The following GLT8D2 variants were observed in gnomAD, a reference collection of about 807,000 sequenced individuals.
The protein encoded by GLT8D2 is glycosyltransferase 8 domain-containing protein 2.
Under a neutral mutation model 44.5 loss-of-function variants are expected in GLT8D2, and 45 were observed. That is an observed-to-expected ratio of 1.01 (90% CI 0.80 to 1.30). The LOEUF is 1.30. Among genes scored for constraint, GLT8D2 ranks in the 50% most tolerant of loss-of-function variants. The probability of loss-of-function intolerance (pLI) is 0.00; values close to 1 mark genes in which losing one functional copy is unlikely to be tolerated. For missense variants in GLT8D2, 400 were observed against 430.4 expected (o/e 0.93, Z 0.62); for synonymous variants, 156 against 157.2 (o/e 0.99, Z 0.06).
chr12:104,025,018 C>T (rs1038440956), intron 1 of GLT8D2, among the ~76,000 whole-genome samples: 26 of 134,858 alleles, frequency 1.9e-4, no homozygotes, highest in African/African-American at 6.6e-4. Context: ...TGCAGTGAGC[C>T]GAGATTGTGC....
chr12:104,015,688 T>C (rs920289707), intron 3 of GLT8D2, among the ~76,000 whole-genome samples: 2 of 151,980 alleles, frequency 1.3e-5, no homozygotes, highest in Admixed American at 1.3e-4. Flanking sequence ...TTTGCTGGAG[T>C]CTTTAGAATT....
rs1216100856 is a variant in GLT8D2, at chr12:103,996,821, T to C, written c.514A>G (p.Thr172Ala). 14 of 1,613,764 alleles carry C rather than the reference T, an allele frequency of 8.7e-6. No individual in the cohort carries two copies. Among genetic ancestry groups the C allele is most frequent in the Non-Finnish European group, 1.2e-5 (14 of 1,179,838 alleles). ...QGDIQELYDT[T>A]LALGHAAAFS... Reference sequence around the variant, plus strand: ...GCCGCCGCGTGGCCCAGGGCCAAGGTGGTGTCATACAGTTCTTGGATATCA... The same window carrying C: ...GCCGCCGCGTGGCCCAGGGCCAAGGCGGTGTCATACAGTTCTTGGATATCA... The change falls in exon 8 of 11, where the codon ACC becomes GCC. Residue 172 changes from threonine (T) to alanine (A), a missense_variant. Thr to Ala is a moderately conservative substitution (Grantham distance 58). Transcript: ENST00000360814.
chr12:103,998,157 G>A (rs11111865), intron 6 of GLT8D2, among the ~76,000 whole-genome samples: 12,395 of 152,064 alleles, frequency 0.082, 1,018 homozygotes, highest in African/African-American at 0.2. Flanking sequence ...TAAATTTTCA[G>A]GGATGAATTT....
intron 1 of GLT8D2, among the ~76,000 whole-genome samples, chr12:104,058,834 C>T (rs1312693902): frequency 6.6e-6 from 1 of 152,166 alleles, no homozygotes; most frequent in Admixed American, 6.5e-5. Context: ...CTTTCTATAA[C>T]ACAACAGATG....
chr12:104,028,353 C>T (rs1878830988), intron 1 of GLT8D2, among the ~76,000 whole-genome samples: 1 of 151,998 alleles, frequency 6.6e-6, no homozygotes, highest in African/African-American at 2.4e-5. Flanking sequence ...TTCATCCTAT[C>T]CTTCCTTTTT....
chr12:104,053,664 C>A (rs1276877658), upstream of GLT8D2, among the ~76,000 whole-genome samples: 1 of 152,148 alleles, frequency 6.6e-6, no homozygotes, highest in Non-Finnish European at 1.5e-5. Context: ...GTGGGTGGAT[C>A]ACGAGGTCAG....
chr12:104,028,135 C>G (rs1002177003), intron 1 of GLT8D2, among the ~76,000 whole-genome samples: 1 of 152,186 alleles, frequency 6.6e-6, no homozygotes, highest in Non-Finnish European at 1.5e-5. Flanking sequence ...CAGATAATCG[C>G]ATGCCAATTG....
At chr12:104,016,863 A>AAAGAAAGAAAGAAAGAAAGAAAGG (rs1566199901) in intron 3 of GLT8D2, among the ~76,000 whole-genome samples, 1 of 150,898 alleles carries the variant, frequency 6.6e-6, no homozygotes, top group African/African-American at 2.5e-5. Context: ...AGAAAGAAAG[A>AAAGAAAGAAAGAAAGAAAGAAAGG]AAGAAAGAAA....
At position 104,032,466 on chromosome 12, in the gene GLT8D2, C is replaced by CAAAAAAAAAAAAAAAAAAAAAAAAA. The variant is rs547392677; in HGVS notation, c.-163-11000_-163-10976dup. ...ATAATAAAGGAGTGATGTGCAATAG[C>CAAAAAAAAAAAAAAAAAAAAAAAAA]AAAAAAAAAAAAAAAAAAAAAAAAA... On this transcript the variant is annotated intron_variant, in intron 1 of 10. Coordinates refer to ENST00000360814, the MANE Select transcript of GLT8D2 (RefSeq NM_001384711.1). 2.8e-4 allele frequency among the ~76,000 whole-genome samples: 17 copies of CAAAAAAAAAAAAAAAAAAAAAAAAA among 59,664 alleles called. 1 individual carries two copies. Among genetic ancestry groups the CAAAAAAAAAAAAAAAAAAAAAAAAA allele is most frequent in the Non-Finnish European group, 4.2e-4 (12 of 28,368 alleles). 39.1% of individuals were successfully genotyped at this position (59,664 alleles called of 152,430 possible). A position where few individuals can be genotyped will look rare whatever the true frequency, so the allele number is the denominator to read the frequency against.
intron 1 of GLT8D2, among the ~76,000 whole-genome samples, chr12:104,035,173 C>G (rs971512641): frequency 6.6e-6 from 1 of 152,168 alleles, no homozygotes; most frequent in Non-Finnish European, 1.5e-5. Context: ...TCACCAACAT[C>G]AAAGACCAAA....
chr12:104,029,855 A>T lies in GLT8D2; in HGVS notation c.-163-8364T>A, dbSNP rs1021337745. 3 of 152,306 alleles carry T rather than the reference A, an allele frequency of 2.0e-5. No homozygotes were observed. The South Asian group carries it at 6.2e-4, about 32-fold the overall frequency. The allele number at this position is 152,306 out of a possible 1,614,324, so 9.4% of individuals were successfully genotyped here. On this transcript the variant is annotated intron_variant, in intron 1 of 10. Coordinates refer to ENST00000360814, the MANE Select transcript of GLT8D2 (RefSeq NM_001384711.1). ...TAACATTCTAGAACTTTATATAGTT[A>T]TGCCCTCAAAAAAGTGATGGGGGTT...
In GLT8D2 at chr12:104,033,163, T is replaced by C. The variant is rs567922271; in HGVS notation, c.-163-11672A>G. 2.0e-5 allele frequency among the ~76,000 whole-genome samples: 3 copies of C among 152,272 alleles called. No individual in the cohort carries two copies. In the East Asian group the frequency reaches 5.8e-4, roughly 29 times the overall value. On this transcript the variant is annotated intron_variant, in intron 1 of 10. Coordinates refer to ENST00000360814, the MANE Select transcript of GLT8D2 (RefSeq NM_001384711.1). ...TCCCAAAGTGCTGGGATTACAGGTG[T>C]GAGCCACCGCACCCAGCCCGCAGCA...
In GLT8D2 at chr12:104,004,962, C is replaced by T. The variant is rs968298321; in HGVS notation, c.113-1656G>A. Among the ~76,000 whole-genome samples the T allele has an allele frequency of 2.0e-5, 3 of 152,084 alleles. No individual in the cohort carries two copies. In the East Asian group the frequency reaches 5.8e-4, roughly 29 times the overall value. ...CAAAAGAACAAAGCTGGAGGCATCA[C>T]GCTACCTGACTTCAAACTATACTAC... On this transcript the variant is annotated intron_variant, in intron 4 of 10. Coordinates refer to ENST00000360814, the MANE Select transcript of GLT8D2 (RefSeq NM_001384711.1).
chr12:104,055,445 C>T (rs1467663979), intron 1 of GLT8D2, among the ~76,000 whole-genome samples: 1 of 152,208 alleles, frequency 6.6e-6, no homozygotes, highest in Non-Finnish European at 1.5e-5. Context: ...CAGAGAATCA[C>T]CACAGCAGCC....
chr12:104,043,463 T>C (rs1423130322), intron 1 of GLT8D2, among the ~76,000 whole-genome samples: 4 of 152,010 alleles, frequency 2.6e-5, no homozygotes, highest in African/African-American at 4.8e-5. Context: ...GGTGACTCCA[T>C]TTAGTTTTTA....
intron 5 of GLT8D2, among the ~76,000 whole-genome samples, chr12:103,999,730 A>G (rs542061601): frequency 2.0e-5 from 3 of 152,176 alleles, no homozygotes; most frequent in Non-Finnish European, 4.4e-5. Flanking sequence ...TCTTTCTGCA[A>G]AGGAAATGAA....
At chr12:104,027,874 G>A (rs1878768542) in intron 1 of GLT8D2, among the ~76,000 whole-genome samples, 2 of 152,194 alleles carry the variant, frequency 1.3e-5, no homozygotes, top group African/African-American at 4.8e-5. Context: ...AAGGGCCCTT[G>A]CGGCTACACC....
At chr12:104,011,741 G>T (rs1315304725) in intron 4 of GLT8D2, among the ~76,000 whole-genome samples, 1 of 152,028 alleles carries the variant, frequency 6.6e-6, no homozygotes, top group South Asian at 2.1e-4. Flanking sequence ...CCAAACAGAA[G>T]AGTATTTGGT....
At chr12:104,041,229 C>T (rs1392916756) in intron 1 of GLT8D2, among the ~76,000 whole-genome samples, 10 of 152,078 alleles carry the variant, frequency 6.6e-5, no homozygotes, top group Admixed American at 6.6e-4. Flanking sequence ...GCCTGGCCAA[C>T]ATGGTAAAAC....
Sources: gnomAD v4.1 joint callset for allele counts (sites outside exome capture counted in the v4.1 genomes callset) on GRCh38, gnomAD v4.1.1 for gene constraint, MANE v1.5 for transcripts, NCBI Gene and HGNC (gene_info 2026-07-23, HGNC 2026-07-21) for gene names.